SPAG16: variants seen among roughly 807,000 people sequenced by gnomAD.
SPAG16 encodes the protein sperm-associated antigen 16 protein.
A neutral mutation model predicts 80.4 loss-of-function variants in SPAG16; 86 were observed. The observed-to-expected ratio is 1.07, with a 90% CI of 0.90 to 1.28. The LOEUF (loss-of-function observed/expected upper bound fraction) is 1.28. SPAG16 is among the 50% of genes most tolerant of loss of function. The pLI is 0.00. For missense variants in SPAG16, 870 were observed against 765.3 expected, an observed-to-expected ratio of 1.14 and a Z score of -1.61; for synonymous variants, 294 against 265.9, an observed-to-expected ratio of 1.11 and a Z score of -1.03.
intron 4 of SPAG16, among the ~76,000 whole-genome samples, chr2:213,315,231 T>C (rs1353096368): frequency 6.6e-6 from 1 of 151,968 alleles, no homozygotes; most frequent in Non-Finnish European, 1.5e-5. Flanking sequence ...AATCTGCAAT[T>C]GATTCTCTGA....
chr2:213,590,870 T>A (rs1477666464), intron 10 of SPAG16, among the ~76,000 whole-genome samples: 2 of 152,180 alleles, frequency 1.3e-5, no homozygotes, highest in Non-Finnish European at 2.9e-5. Flanking sequence ...CACAGCACTA[T>A]TCACAATAGC....
At chr2:213,663,829 T>A (rs2063509311) in intron 10 of SPAG16, among the ~76,000 whole-genome samples, 1 of 152,092 alleles carries the variant, frequency 6.6e-6, no homozygotes, top group Non-Finnish European at 1.5e-5. Flanking sequence ...TTTAATGGAA[T>A]AAGAAAAGTT....
At chr2:214,394,454 A>T (rs757804811) in intron 15 of SPAG16, among the ~76,000 whole-genome samples, 4 of 152,170 alleles carry the variant, frequency 2.6e-5, no homozygotes, top group Non-Finnish European at 5.9e-5. Context: ...AAAACTTTAA[A>T]AATACATTTT....
intron 6 of SPAG16, among the ~76,000 whole-genome samples, chr2:213,348,804 C>T (rs1186374199): frequency 1.3e-5 from 2 of 152,126 alleles, no homozygotes; most frequent in Non-Finnish European, 2.9e-5. Context: ...TCTGGCTGCC[C>T]TTAACATTTT....
intron 14 of SPAG16, among the ~76,000 whole-genome samples, chr2:214,114,711 C>T (rs138694935): frequency 0.013 from 1,944 of 152,264 alleles, 37 homozygotes; most frequent in African/African-American, 0.043. Flanking sequence ...TACAGTCTGT[C>T]ACGGCTTCCC....
chr2:214,109,186 A>C (rs772683940), intron 14 of SPAG16, among the ~76,000 whole-genome samples: 1 of 152,150 alleles, frequency 6.6e-6, no homozygotes, highest in Non-Finnish European at 1.5e-5. Flanking sequence ...GTGAGAAATA[A>C]ATTTATTTTC....
chr2:213,363,064 A>G (rs1039014959), intron 7 of SPAG16, among the ~76,000 whole-genome samples: 1 of 152,210 alleles, frequency 6.6e-6, no homozygotes, highest in Non-Finnish European at 1.5e-5. Context: ...TTTGAAACAT[A>G]AAAAGGATAT....
At chr2:214,099,026 T>C (rs2052801550) in intron 13 of SPAG16, among the ~76,000 whole-genome samples, 1 of 152,122 alleles carries the variant, frequency 6.6e-6, no homozygotes, top group Non-Finnish European at 1.5e-5. Flanking sequence ...TCTGTTGTTA[T>C]TTGACTTTTA....
rs200073198 is a variant in SPAG16 at position 213,441,804 on chromosome 2, CA to C, written c.943-48155del. 3.9e-4 allele frequency among the ~76,000 whole-genome samples: 60 copies of C among 152,176 alleles called. No individual in the cohort carries two copies. In the East Asian group the frequency reaches 0.011, roughly 28 times the overall value. ...CAAGTTACAGTACAAAGTTAATATA[CA>C]AAAGTCAACCACTTTCCTATATTCC... is the stretch of plus-strand genomic sequence containing the variant. On this transcript the variant is annotated intron_variant, in intron 9 of 15. Transcript: ENST00000331683.
intron 10 of SPAG16, among the ~76,000 whole-genome samples, chr2:213,654,764 T>G (rs2063159874): frequency 6.6e-6 from 1 of 151,278 alleles, no homozygotes; most frequent in Non-Finnish European, 1.5e-5. Context: ...AAAAGAGGCT[T>G]TAAAAACAGC....
intron 10 of SPAG16, among the ~76,000 whole-genome samples, chr2:213,736,721 T>TTC (rs34233398): frequency 2.0e-5 from 3 of 151,588 alleles, no homozygotes; most frequent in Admixed American, 6.6e-5. Flanking sequence ...TTTTTTTTTT[T>TTC]GAGACAGAGT....
chr2:214,385,161 G>A (rs553409585), intron 15 of SPAG16, among the ~76,000 whole-genome samples: 4 of 152,214 alleles, frequency 2.6e-5, no homozygotes, highest in African/African-American at 7.2e-5. Context: ...TCAGTACACA[G>A]TTCAGCCAAG....
intron 8 of SPAG16, 144 bp downstream of exon 8, chr2:213,364,289 A>G (rs1020329123): frequency 1.5e-5 from 6 of 411,258 alleles, no homozygotes; most frequent in African/African-American, 4.2e-5. Flanking sequence ...AAGATTAAGA[A>G]GAAATATAGA....
chr2:213,659,159 G>A (rs2063330978), intron 10 of SPAG16, among the ~76,000 whole-genome samples: 1 of 152,088 alleles, frequency 6.6e-6, no homozygotes, highest in Non-Finnish European at 1.5e-5. Flanking sequence ...TCCATTGCTT[G>A]CACAACTTCC....
chr2:213,922,347 T>A (rs756164710), intron 11 of SPAG16, among the ~76,000 whole-genome samples: 81 of 152,324 alleles, frequency 5.3e-4, no homozygotes, highest in Non-Finnish European at 7.8e-4. Flanking sequence ...ATTATGCAAT[T>A]CTTGTAGTAT....
At chr2:213,682,353 G>C (rs2064435828) in intron 10 of SPAG16, among the ~76,000 whole-genome samples, 1 of 152,138 alleles carries the variant, frequency 6.6e-6, no homozygotes, top group South Asian at 2.1e-4. Flanking sequence ...TTTTACCCTA[G>C]AACCCATTCA....
At chr2:214,408,243 G>A (rs1702107356) in intron 15 of SPAG16, among the ~76,000 whole-genome samples, 1 of 151,712 alleles carries the variant, frequency 6.6e-6, no homozygotes, top group African/African-American at 2.4e-5. Flanking sequence ...GTTTCGTTTT[G>A]TTTGGTTTCA....
At chr2:214,382,487 T>C (rs1700507147) in intron 15 of SPAG16, among the ~76,000 whole-genome samples, 1 of 152,220 alleles carries the variant, frequency 6.6e-6, no homozygotes, top group Non-Finnish European at 1.5e-5. Flanking sequence ...GCTGGTGCCA[T>C]GTGCAGCAGA....
intron 10 of SPAG16, among the ~76,000 whole-genome samples, chr2:213,851,799 A>G (rs1206862955): frequency 6.6e-6 from 1 of 152,214 alleles, no homozygotes; most frequent in Admixed American, 6.5e-5. Flanking sequence ...CCTCTAGGGC[A>G]TTATTAATAA....
Sources: allele counts gnomAD v4.1 joint callset (sites outside exome capture counted in the v4.1 genomes callset), GRCh38; gene constraint gnomAD v4.1.1; transcripts MANE v1.5; gene names NCBI Gene and HGNC (gene_info 2026-07-23, HGNC 2026-07-21).